EFCAB13: variants seen among roughly 807,000 people sequenced by gnomAD.
EFCAB13 encodes the protein EF-hand calcium-binding domain-containing protein 13.
EFCAB13 carries 91 observed loss-of-function variants against 110.2 expected under a neutral mutation model. The ratio of observed to expected loss-of-function variants is 0.83; its 90% CI spans 0.70 to 0.98. The LOEUF is 0.98. Among genes scored for constraint, EFCAB13 ranks in the 50% least tolerant of loss-of-function variants. EFCAB13 has a pLI of 0.00. For synonymous variants in EFCAB13, 323 were observed against 369.9 expected (o/e 0.87, Z 1.45); for missense variants, 968 against 1,119.4 (o/e 0.86, Z 1.93).
At position 47,440,513 on chromosome 17, in the gene EFCAB13, T is replaced by C. The variant is rs964530833; in HGVS notation, c.2721T>C (p.Tyr907=). ...TTCCTAAAGCTGCAGGTAAGTTTTA[T>C]TTAATATGTACTTATTGCCCAGATC... The part of the protein sequence containing the change: ...LTIPKAAGKF[Y]LICTYCPDLE... The change falls in exon 25 of 25, where the codon TAT becomes TAC. Residue 907 remains tyrosine (Y), a synonymous_variant. Transcript: ENST00000331493. 1 of 1,612,288 alleles carries C rather than the reference T, an allele frequency of 6.2e-7. No homozygotes were observed. The highest frequency in any genetic ancestry group is 8.5e-7 in the Non-Finnish European group (1 of 1,179,412).
rs1414031588 is a variant in EFCAB13, at chr17:47,364,026, T to C, written c.805+2505T>C. 2.6e-5 allele frequency among the ~76,000 whole-genome samples: 4 copies of C among 152,360 alleles called. No homozygotes were observed. The East Asian group carries it at 7.7e-4, about 29-fold the overall frequency. On this transcript the variant is annotated intron_variant, in intron 10 of 24. Coordinates refer to ENST00000331493, the MANE Select transcript of EFCAB13 (RefSeq NM_152347.5). The stretch of plus-strand genomic sequence containing the variant: ...GAAACAGCTGCAGTACCTTGCTTTT[T>C]GGCTTATGGAGTTCTGGCCTGGGTC...
chr17:47,398,644 T>G (rs1484167354), intron 17 of EFCAB13, among the ~76,000 whole-genome samples: 2 of 151,470 alleles, frequency 1.3e-5, no homozygotes, highest in Non-Finnish European at 3.0e-5. Context: ...AAACAGATGC[T>G]TGAAGGCAGC....
At chr17:47,360,060 A>C (rs1021164116) in intron 9 of EFCAB13, among the ~76,000 whole-genome samples, 1 of 151,858 alleles carries the variant, frequency 6.6e-6, no homozygotes, top group Non-Finnish European at 1.5e-5. Flanking sequence ...GGTCTTTGCT[A>C]TTGTGAATAG....
intron 23 of EFCAB13, among the ~76,000 whole-genome samples, chr17:47,418,636 A>C (rs1904530717): frequency 3.3e-5 from 5 of 152,238 alleles, no homozygotes; most frequent in Admixed American, 3.3e-4. Context: ...TCATAAAGAT[A>C]ATGCAAACTC....
intron 10 of EFCAB13, among the ~76,000 whole-genome samples, chr17:47,366,664 A>G (rs1434980914): frequency 6.6e-6 from 1 of 152,158 alleles, no homozygotes; most frequent in Non-Finnish European, 1.5e-5. Context: ...ACCAGGAATC[A>G]TTCTTTAAGG....
chr17:47,370,738 G>GTTTTTTTTTTTTTTT (rs764924546), intron 11 of EFCAB13, among the ~76,000 whole-genome samples: 1 of 127,204 alleles, frequency 7.9e-6, no homozygotes, highest in African/African-American at 3.0e-5. Context: ...GTTGTTGTTT[G>GTTTTTTTTTTTTTTT]TTTTTTTTTT....
intron 23 of EFCAB13, 28 bp downstream of exon 23, chr17:47,414,947 A>C: frequency 7.0e-7 from 1 of 1,435,026 alleles, no homozygotes; most frequent in Non-Finnish European, 9.7e-7. Flanking sequence ...GTTCAAGAGA[A>C]TGGCTAGAAA....
intron 14 of EFCAB13, among the ~76,000 whole-genome samples, chr17:47,388,620 T>C (rs972524999): frequency 1.3e-5 from 2 of 152,174 alleles, no homozygotes; most frequent in Non-Finnish European, 2.9e-5. Flanking sequence ...CTATATTATA[T>C]TGTATGGATA....
chr17:47,380,113 G>A (rs998763944), intron 14 of EFCAB13, among the ~76,000 whole-genome samples: 5 of 152,152 alleles, frequency 3.3e-5, no homozygotes, highest in Admixed American at 6.5e-5. Flanking sequence ...TAAGTTCTGG[G>A]ATACATGTGC....
chr17:47,351,899 G>GT (rs762050927), intron 9 of EFCAB13, among the ~76,000 whole-genome samples: 9,365 of 121,454 alleles, frequency 0.077, 508 homozygotes, highest in East Asian at 0.16. Flanking sequence ...TTTTCATGTA[G>GT]TTTTTTTTTT....
At chr17:47,362,562 G>C (rs985505893) in intron 10 of EFCAB13, among the ~76,000 whole-genome samples, 1 of 152,044 alleles carries the variant, frequency 6.6e-6, no homozygotes, top group Non-Finnish European at 1.5e-5. Flanking sequence ...AGGGCCTGAC[G>C]GAGGGCCTGA....
chr17:47,384,480 GT>G (rs1424647911), intron 14 of EFCAB13, among the ~76,000 whole-genome samples: 1 of 151,092 alleles, frequency 6.6e-6, no homozygotes, highest in Non-Finnish European at 1.5e-5. Context: ...TATTAAGAAA[GT>G]TTTTCCCTTC....
Position 47,353,399 on chromosome 17 carries a change from A to G in EFCAB13, c.661+5448A>G, listed in dbSNP as rs368438285. Among the ~76,000 whole-genome samples, 16 of 151,796 alleles carry G rather than the reference A, an allele frequency of 1.1e-4. No individual in the cohort carries two copies. The East Asian group carries it at 2.9e-3, about 28-fold the overall frequency. ...AACCTCTGCCTCCCGGGTTCAAGGG[A>G]TTCTCCTGCCTCAGCCTCCCAAGTA... is the stretch of plus-strand genomic sequence containing the variant. On this transcript the variant is annotated intron_variant, in intron 9 of 24. Coordinates refer to ENST00000331493, the MANE Select transcript of EFCAB13 (RefSeq NM_152347.5).
intron 15 of EFCAB13, among the ~76,000 whole-genome samples, chr17:47,393,191 C>G (rs958329861): frequency 6.6e-6 from 1 of 152,102 alleles, no homozygotes; most frequent in South Asian, 2.1e-4. Flanking sequence ...ACTAAAGGCA[C>G]AAGCCACCAT....
At chr17:47,396,453 A>G (rs1194549739) in intron 17 of EFCAB13, among the ~76,000 whole-genome samples, 2 of 152,182 alleles carry the variant, frequency 1.3e-5, no homozygotes, top group Non-Finnish European at 1.5e-5. Context: ...AAAGTTCAAA[A>G]AAGTATTGTA....
Position 47,382,813 on chromosome 17 carries a change from G to A in EFCAB13, c.1582+3560G>A, listed in dbSNP as rs143564609. On this transcript the variant is annotated intron_variant, in intron 14 of 24. Transcript: ENST00000331493. ...CTGGCCTCATAAAATGAGTTAGAGCGGAGTCCCCCCTTTTCTGTTGTTTGG... is the reference window on the plus strand; with the variant it reads ...CTGGCCTCATAAAATGAGTTAGAGCAGAGTCCCCCCTTTTCTGTTGTTTGG... Among the ~76,000 whole-genome samples, 660 of 152,212 alleles carry A rather than the reference G, an allele frequency of 4.3e-3. 17 individuals are homozygous for A. The East Asian group carries it at 0.065, about 15-fold the overall frequency.
intron 9 of EFCAB13, among the ~76,000 whole-genome samples, chr17:47,354,374 A>G (rs546177021): frequency 2.6e-5 from 4 of 152,244 alleles, no homozygotes; most frequent in Admixed American, 2.0e-4. Flanking sequence ...TGTTCTGTAA[A>G]TTTCTGTTAG....
chr17:47,413,251 T>C (rs2143471411), intron 22 of EFCAB13, among the ~76,000 whole-genome samples: 1 of 152,328 alleles, frequency 6.6e-6, no homozygotes, highest in Admixed American at 6.5e-5. Flanking sequence ...TTTCATTTTT[T>C]TTTTACAGTA....
intron 5 of EFCAB13, among the ~76,000 whole-genome samples, chr17:47,336,776 C>T (rs1277466913): frequency 6.6e-6 from 1 of 152,014 alleles, no homozygotes; most frequent in Non-Finnish European, 1.5e-5. Context: ...TTCTTGTATA[C>T]TGCATTGCCT....
Sources: allele counts gnomAD v4.1 joint callset (sites outside exome capture counted in the v4.1 genomes callset), GRCh38; gene constraint gnomAD v4.1.1; transcripts MANE v1.5; gene names NCBI Gene and HGNC (gene_info 2026-07-23, HGNC 2026-07-21).